The following WDR33 variants were observed in gnomAD, a reference collection of about 807,000 sequenced individuals.
WDR33 encodes the protein pre-mRNA 3' end processing protein WDR33.
Under a neutral mutation model 164.9 loss-of-function variants are expected in WDR33, and 47 were observed. That is an observed-to-expected ratio of 0.29 (90% CI 0.23 to 0.36). WDR33 has a LOEUF of 0.36. Ranked by LOEUF, WDR33 falls within the 10% of genes least tolerant of loss-of-function variation. WDR33 has a pLI of 1.00. For synonymous variants in WDR33, 505 were observed against 589.0 expected (o/e 0.86, Z 2.06); for missense variants, 1,137 against 1,754.1 (o/e 0.65, Z 6.28).
At position 127,770,280 on chromosome 2, in the gene WDR33, T is replaced by C. The variant is rs1169176995; in HGVS notation, c.204+498A>G. Among the ~76,000 whole-genome samples the C allele has an allele frequency of 6.6e-6, 1 of 152,252 alleles. No individual in the cohort carries two copies. Among genetic ancestry groups the C allele is most frequent in the Non-Finnish European group, 1.5e-5 (1 of 68,056 alleles). On this transcript the variant is annotated intron_variant, in intron 2 of 21. Transcript: ENST00000322313. This position sits in a 1 kb window ranked among gnomAD's most constrained non-coding sequence, Gnocchi z 4.9. ...GATACAGGCACAGAATTTTATAAAGTATTAGTGGTTTGAGGTTCTTCCTAA... is the reference window on the plus strand; with the variant it reads ...GATACAGGCACAGAATTTTATAAAGCATTAGTGGTTTGAGGTTCTTCCTAA...
rs1395541777 is a variant in WDR33, at chr2:127,714,711, T to C, written c.2870-690A>G. Among the ~76,000 whole-genome samples, 1 of 152,208 alleles carries C rather than the reference T, an allele frequency of 6.6e-6. No individual in the cohort carries two copies. Among genetic ancestry groups the C allele is most frequent in the Non-Finnish European group, 1.5e-5 (1 of 68,044 alleles). ...TAAAGTTTTCTAAAATATGTGAAAA[T>C]ATGTACTGTAATGAAAGTACTGAAT... On this transcript the variant is annotated intron_variant, in intron 17 of 21. Coordinates refer to ENST00000322313, the MANE Select transcript of WDR33 (RefSeq NM_018383.5). The surrounding 1 kb of genome is among the most constrained non-coding windows in gnomAD (Gnocchi z 4.3).
chr2:127,724,833 A>G lies in WDR33; in HGVS notation c.1085+54T>C, dbSNP rs1686526813. The G allele has an allele frequency of 1.9e-6, 3 of 1,573,840 alleles. No homozygotes were observed. The Admixed American group carries it at 5.0e-5, about 26-fold the overall frequency. Reference sequence around the variant, plus strand: ...CTACAAAACTATCATGTCTGCACACATTCACGTGCTCTCTTCACAAAATAC... The same window carrying G: ...CTACAAAACTATCATGTCTGCACACGTTCACGTGCTCTCTTCACAAAATAC... On this transcript the variant is annotated intron_variant, in intron 10 of 21. Transcript: ENST00000322313. This position sits in a 1 kb window ranked among gnomAD's most constrained non-coding sequence, Gnocchi z 4.8.
In WDR33 at chr2:127,701,819, C is replaced by A; in HGVS notation, c.*4504G>T. 1 of 1,457,704 alleles carries A rather than the reference C, an allele frequency of 6.9e-7. No individual in the cohort carries two copies. Among genetic ancestry groups the A allele is most frequent in the East Asian group, 3.1e-5 (1 of 32,400 alleles). The allele number at this position is 1,457,704 out of a possible 1,614,324, so 90.3% of individuals were successfully genotyped here. On this transcript the variant is annotated 3_prime_UTR_variant, in exon 22 of 22. Transcript: ENST00000322313. ...TGTGTTTCGGCCTAGCCGCGCTCTACGCACCGGTGTTGCTGCTGCGCGCGC... is the reference window on the plus strand; with the variant it reads ...TGTGTTTCGGCCTAGCCGCGCTCTAAGCACCGGTGTTGCTGCTGCGCGCGC...
intron 18 of WDR33, among the ~76,000 whole-genome samples, chr2:127,711,769 T>TAGATAGATAG (rs1686175420): frequency 1.1e-5 from 1 of 92,396 alleles, no homozygotes; most frequent in African/African-American, 7.6e-5. Context: ...TATATATATA[T>TAGATAGATAG]ATATATATAT....
At chr2:127,725,985 A>G (rs1443749509) in intron 8 of WDR33, among the ~76,000 whole-genome samples, 1 of 152,196 alleles carries the variant, frequency 6.6e-6, no homozygotes, top group Admixed American at 6.5e-5. Context: ...GGCCTGCACA[A>G]TGGATATCTC....
chr2:127,770,644 C>T lies in WDR33; in HGVS notation c.204+134G>A. On this transcript the variant is annotated intron_variant, in intron 2 of 21. Transcript: ENST00000322313. This position sits in a 1 kb window ranked among gnomAD's most constrained non-coding sequence, Gnocchi z 4.9. ...AGGCAGAGGTTGCAGTGAGCCAAAACCACACCACTGCACTCTGGCCTGGGC... is the reference window on the plus strand; with the variant it reads ...AGGCAGAGGTTGCAGTGAGCCAAAATCACACCACTGCACTCTGGCCTGGGC... 5 of 584,482 alleles carry T rather than the reference C, an allele frequency of 8.6e-6. No individual in the cohort carries two copies. Among genetic ancestry groups the T allele is most frequent in the Non-Finnish European group, 9.6e-6 (4 of 418,418 alleles). The allele number at this position is 584,482 out of a possible 1,614,324, so 36.2% of individuals were successfully genotyped here.
chr2:127,701,395 C>T lies in WDR33; in HGVS notation c.*4928G>A. 1.1e-6 allele frequency: 1 copy of T among 879,676 alleles called. No individual in the cohort carries two copies. The highest frequency in any genetic ancestry group is 1.5e-6 in the Non-Finnish European group (1 of 670,180). 54.5% of individuals were successfully genotyped at this position (879,676 alleles called of 1,614,324 possible). ...ACAAAAGTCCGCAGAGCAGGCACCG[C>T]GGCACTTCCGCGAGCGCCGCAGGCC... On this transcript the variant is annotated 3_prime_UTR_variant, in exon 22 of 22. Coordinates refer to ENST00000322313, the MANE Select transcript of WDR33 (RefSeq NM_018383.5).
rs770235973 is a variant in WDR33, at chr2:127,713,823, T to C, written c.3068A>G (p.Lys1023Arg). 7.4e-6 allele frequency: 12 copies of C among 1,614,224 alleles called. No individual in the cohort carries two copies. The highest frequency in any genetic ancestry group is 2.2e-5 in the South Asian group (2 of 91,088). Residue 1023 changes from lysine to arginine, a missense_variant, in exon 18 of 22, where the codon AAG becomes AGG. Physicochemically the swap from Lys to Arg is conservative, Grantham distance 26. Transcript: ENST00000322313. This position sits in a 1 kb window ranked among gnomAD's most constrained non-coding sequence, Gnocchi z 6.2. ...FSRPDDFHPD[K>R]RFGHRLREFE... is the part of the protein sequence containing the mutation. ...TTCACGTAACCGGTGGCCAAAGCGC[T>C]TGTCAGGGTGGAAGTCATCTGGTCT...
In WDR33 at chr2:127,723,791, G is replaced by T. The variant is rs964700644; in HGVS notation, c.1197-444C>A. On this transcript the variant is annotated intron_variant, in intron 11 of 21. Coordinates refer to ENST00000322313, the MANE Select transcript of WDR33 (RefSeq NM_018383.5). This position sits in a 1 kb window ranked among gnomAD's most constrained non-coding sequence, Gnocchi z 5.9. Reference sequence around the variant, plus strand: ...ATAATAATAAAAATAAAAATAAAATGTGGGGCCGGGCAAGGTGGCTCATGC... The same window carrying T: ...ATAATAATAAAAATAAAAATAAAATTTGGGGCCGGGCAAGGTGGCTCATGC... 3.3e-5 allele frequency among the ~76,000 whole-genome samples: 5 copies of T among 151,654 alleles called. No homozygotes were observed. The highest frequency in any genetic ancestry group is 1.2e-4 in the African/African-American group (5 of 41,270).
Position 127,763,791 on chromosome 2 carries a change from G to A in WDR33, c.627-632C>T. On this transcript the variant is annotated intron_variant, in intron 6 of 21. Coordinates refer to ENST00000322313, the MANE Select transcript of WDR33 (RefSeq NM_018383.5). The surrounding 1 kb of genome is among the most constrained non-coding windows in gnomAD (Gnocchi z 4.5). ...AAGCCAAAGAATCTGCTGCAAGAAGGAGTCAGTTTTTCCCAGCAGTGAAAG... is the reference window on the plus strand; with the variant it reads ...AAGCCAAAGAATCTGCTGCAAGAAGAAGTCAGTTTTTCCCAGCAGTGAAAG... The A allele has an allele frequency of 2.0e-6, 2 of 985,508 alleles. No homozygotes were observed. The highest frequency in any genetic ancestry group is 2.4e-6 in the Non-Finnish European group (2 of 830,034). The allele number at this position is 985,508 out of a possible 1,614,324, so 61.0% of individuals were successfully genotyped here.
intron 4 of WDR33, among the ~76,000 whole-genome samples, chr2:127,767,964 A>G (rs989184568): frequency 2.6e-5 from 4 of 152,238 alleles, no homozygotes; most frequent in Admixed American, 2.0e-4. Context: ...AGAGAATTCT[A>G]CAGAAATTGC....
chr2:127,806,809 G>A (rs1463959564), intron 1 of WDR33, among the ~76,000 whole-genome samples: 1 of 151,962 alleles, frequency 6.6e-6, no homozygotes. Flanking sequence ...GAAAAGCGTA[G>A]GAAAAAGCAT....
chr2:127,727,310 C>A (rs1224365100), intron 7 of WDR33, among the ~76,000 whole-genome samples: 2 of 152,184 alleles, frequency 1.3e-5, no homozygotes, highest in African/African-American at 4.8e-5. Context: ...GAAATACACT[C>A]TGCTTGATTC....
intron 7 of WDR33, among the ~76,000 whole-genome samples, chr2:127,751,853 G>T (rs973709203): frequency 5.3e-5 from 8 of 152,072 alleles, no homozygotes; most frequent in African/African-American, 1.9e-4. Context: ...CACTCAATCA[G>T]ACCCACATCT....
intron 1 of WDR33, among the ~76,000 whole-genome samples, chr2:127,789,642 T>C (rs1688774120): frequency 6.6e-6 from 1 of 151,484 alleles, no homozygotes; most frequent in African/African-American, 2.4e-5. Context: ...ATGGCAGCAG[T>C]ACAGTCCAGC....
Position 127,706,665 on chromosome 2 carries a change from G to T in WDR33, c.3782-113C>A. 1.1e-6 allele frequency: 1 copy of T among 940,632 alleles called. No homozygotes were observed. 58.3% of individuals were successfully genotyped at this position (940,632 alleles called of 1,614,324 possible). ...AATGGACCAGTTCTGGTGGGTGCCA[G>T]GGAGACTGGCAGTGGTATTCAGCGT... is the stretch of plus-strand genomic sequence containing the variant. On this transcript the variant is annotated intron_variant, in intron 21 of 21. Transcript: ENST00000322313. The surrounding 1 kb of genome is among the most constrained non-coding windows in gnomAD (Gnocchi z 5.1).
intron 7 of WDR33, among the ~76,000 whole-genome samples, chr2:127,751,938 C>T (rs1687377992): frequency 6.6e-6 from 1 of 152,132 alleles, no homozygotes; most frequent in East Asian, 1.9e-4. Context: ...GCAGTAAGTC[C>T]CCAAAGTCAA....
At chr2:127,787,406 G>A (rs1461917641) in intron 1 of WDR33, among the ~76,000 whole-genome samples, 1,747 of 125,580 alleles carry the variant, frequency 0.014, 25 homozygotes, top group East Asian at 0.022. Context: ...GCCGGGCAGA[G>A]GGGCTCCTCA....
At position 127,702,460 on chromosome 2, in the gene WDR33, T is replaced by G. The variant is rs1685917800; in HGVS notation, c.*3863A>C. 4.2e-6 allele frequency: 1 copy of G among 240,376 alleles called. No homozygotes were observed. The highest frequency in any genetic ancestry group is 2.3e-5 in the African/African-American group (1 of 43,594). The allele number at this position is 240,376 out of a possible 1,614,324, so 14.9% of individuals were successfully genotyped here. Reference sequence around the variant, plus strand: ...ATGTGAGACGGTTATTAGAAGTTGCTTTCGAAGTAACTGTGGTCTTAGGTT... The same window carrying G: ...ATGTGAGACGGTTATTAGAAGTTGCGTTCGAAGTAACTGTGGTCTTAGGTT... On this transcript the variant is annotated 3_prime_UTR_variant, in exon 22 of 22. Coordinates refer to ENST00000322313, the MANE Select transcript of WDR33 (RefSeq NM_018383.5).
Sources: allele counts gnomAD v4.1 joint callset (sites outside exome capture counted in the v4.1 genomes callset), GRCh38; gene constraint gnomAD v4.1.1; non-coding constraint Gnocchi (gnomAD v3.1); transcripts MANE v1.5; gene names NCBI Gene and HGNC (gene_info 2026-07-23, HGNC 2026-07-21).